The following ADGRB2 variants were observed in gnomAD, a reference collection of about 807,000 sequenced individuals.
ADGRB2 encodes brain-specific angiogenesis inhibitor 2.
In ADGRB2, 47 loss-of-function variants were observed where a neutral mutation model predicts 178.7. That is an observed-to-expected ratio of 0.26 (90% CI 0.21 to 0.34). The LOEUF (loss-of-function observed/expected upper bound fraction) is 0.34. ADGRB2 is among the 10% of genes least tolerant of loss of function. The pLI is 1.00. For synonymous variants in ADGRB2, 870 were observed against 912.4 expected (o/e 0.95, Z 0.84); for missense variants, 1,584 against 2,180.8 (o/e 0.73, Z 5.45).
In ADGRB2 at chr1:31,735,699, G is replaced by A; in HGVS notation, c.3268-34C>T. The A allele has an allele frequency of 6.3e-7, 1 of 1,576,090 alleles. No homozygotes were observed. Among genetic ancestry groups the A allele is most frequent in the Non-Finnish European group, 8.7e-7 (1 of 1,156,040 alleles). Reference sequence around the variant, plus strand: ...CCAGTAGAGTGGAGTGGGGGAGACAGGATCACCAGGTGCCCTCCTGGCAGG... The same window carrying A: ...CCAGTAGAGTGGAGTGGGGGAGACAAGATCACCAGGTGCCCTCCTGGCAGG... On this transcript the variant is annotated intron_variant, in intron 23 of 32. Transcript: ENST00000373658. This position sits in a 1 kb window ranked among gnomAD's most constrained non-coding sequence, Gnocchi z 6.0.
chr1:31,760,876 G>A (rs1261324120), intron 1 of ADGRB2: 1 of 152,324 alleles, frequency 6.6e-6, no homozygotes, highest in African/African-American at 2.4e-5. Context: ...GGACTGGGCC[G>A]AGGGGAGGGA....
rs1277170993 is a variant in ADGRB2 at position 31,727,825 on chromosome 1, C to T, written c.4572+200G>A. 3 of 873,056 alleles carry T rather than the reference C, an allele frequency of 3.4e-6. No homozygotes were observed. Among genetic ancestry groups the T allele is most frequent in the Non-Finnish European group, 5.1e-6 (3 of 587,874 alleles). The allele number at this position is 873,056 out of a possible 1,614,324, so 54.1% of individuals were successfully genotyped here. ...GGACATGTCTCCTGCTGACCACTCT[C>T]CCTCCCAATCCTGGAGGACCTCCAC... On this transcript the variant is annotated intron_variant, in intron 32 of 32. Coordinates refer to ENST00000373658, the MANE Select transcript of ADGRB2 (RefSeq NM_001364857.2). This position sits in a 1 kb window ranked among gnomAD's most constrained non-coding sequence, Gnocchi z 4.4.
chr1:31,748,985 G>A (rs568792354), intron 4 of ADGRB2, among the ~76,000 whole-genome samples: 38 of 152,272 alleles, frequency 2.5e-4, no homozygotes, highest in African/African-American at 7.9e-4. Flanking sequence ...TCCAGAGGCC[G>A]TGCTCTTTCC....
At position 31,737,670 on chromosome 1, in the gene ADGRB2, A is replaced by G. The variant is rs768900818; in HGVS notation, c.2858T>C (p.Ile953Thr). Residue 953 changes from isoleucine to threonine, a missense_variant, in exon 19 of 33, where the codon ATC becomes ACC. Physicochemically the swap from Ile to Thr is moderately conservative, Grantham distance 89 (BLOSUM62 -1). Around this residue, in one of 3 missense-constraint regions of ADGRB2, gnomAD observed 865 missense variants for 1,192.8 expected, o/e 0.73. Coordinates refer to ENST00000373658, the MANE Select transcript of ADGRB2 (RefSeq NM_001364857.2). ...GACCTACCTCCAAAAGGCGGCATAGATGGCGAGCAGGGTGAGCAGCGCCAT... is the reference window on the plus strand; with the variant it reads ...GACCTACCTCCAAAAGGCGGCATAGGTGGCGAGCAGGGTGAGCAGCGCCAT... ...SCMALLTLLA[I>T]YAAFWRFIKS... The G allele has an allele frequency of 6.2e-7, 1 of 1,613,634 alleles. No homozygotes were observed. The highest frequency in any genetic ancestry group is 8.5e-7 in the Non-Finnish European group (1 of 1,179,922).
In ADGRB2 at chr1:31,739,651, G is replaced by C; in HGVS notation, c.2168-16C>G. ...ATGCTGATCACTGCAGTGGGAGGAG[G>C]GTGGACAGAGACAGACAGAGGGGCA... On this transcript the variant is annotated splice_polypyrimidine_tract_variant and intron_variant, in intron 14 of 32. Coordinates refer to ENST00000373658, the MANE Select transcript of ADGRB2 (RefSeq NM_001364857.2). 6.4e-7 allele frequency: 1 copy of C among 1,563,662 alleles called. No homozygotes were observed. Among genetic ancestry groups the C allele is most frequent in the Non-Finnish European group, 8.7e-7 (1 of 1,152,352 alleles).
rs531811280 is a variant in ADGRB2 at position 31,735,757 on chromosome 1, G to A, written c.3267+70C>T. ...CCATGTGGGAGCTGGAGCGCAGGGA[G>A]GAGGTAGAGGGAGAAACAGGATGAC... On this transcript the variant is annotated intron_variant, in intron 23 of 32. Coordinates refer to ENST00000373658, the MANE Select transcript of ADGRB2 (RefSeq NM_001364857.2). The surrounding 1 kb of genome is among the most constrained non-coding windows in gnomAD (Gnocchi z 6.0). 7 of 1,580,950 alleles carry A rather than the reference G, an allele frequency of 4.4e-6. No homozygotes were observed. The highest frequency in any genetic ancestry group is 2.3e-5 in the East Asian group (1 of 44,292).
At chr1:31,742,738 C>T (rs1435935455) in intron 7 of ADGRB2, 100 bp downstream of exon 7, 3 of 1,320,830 alleles carry the variant, frequency 2.3e-6, no homozygotes, top group African/African-American at 1.5e-5. Context: ...GTTTAAGGGG[C>T]CCCCAGGGGC....
At position 31,756,437 on chromosome 1, in the gene ADGRB2, C is replaced by T; in HGVS notation, c.400G>A (p.Glu134Lys). The change falls in exon 4 of 33, where the codon GAG (glutamate) becomes AAG (lysine). Residue 134 changes from glutamate to lysine, a missense_variant. By Grantham distance (56) the Glu-to-Lys change is moderately conservative (BLOSUM62 1). Coordinates refer to ENST00000373658, the MANE Select transcript of ADGRB2 (RefSeq NM_001364857.2). This position sits in a 1 kb window ranked among gnomAD's most constrained non-coding sequence, Gnocchi z 8.5. ...CACAGCTCCAACCCCGCTGCCGCCT[C>T]TGCCTCCTCCTCTTCTGGCCGCCCC... ...EVGRPEEEEA[E>K]AAAGLELCSG... The T allele has an allele frequency of 6.2e-7, 1 of 1,611,956 alleles. No individual in the cohort carries two copies. The highest frequency in any genetic ancestry group is 8.5e-7 in the Non-Finnish European group (1 of 1,179,228).
intron 29 of ADGRB2, among the ~76,000 whole-genome samples, chr1:31,730,481 G>A (rs1341633915): frequency 6.6e-6 from 1 of 152,196 alleles, no homozygotes; most frequent in Non-Finnish European, 1.5e-5. Flanking sequence ...GCATGACGCA[G>A]AGGCCCAGGC....
At chr1:31,745,309 G>A (rs1352360805) in intron 4 of ADGRB2, among the ~76,000 whole-genome samples, 1 of 152,210 alleles carries the variant, frequency 6.6e-6, no homozygotes, top group East Asian at 1.9e-4. Flanking sequence ...GGAGGCACAG[G>A]TCAGAATGCC....
chr1:31,757,107 CAGT>C, intron 3 of ADGRB2, 91 bp downstream of exon 3: 1 of 1,592,298 alleles, frequency 6.3e-7, no homozygotes, highest in Non-Finnish European at 8.6e-7. Context: ...CCTGAAGAAA[CAGT>C]AGTTGTTGTT....
rs146321736 is a variant in ADGRB2 at position 31,761,650 on chromosome 1, A to T, written c.-191+2234T>A. Reference sequence around the variant, plus strand: ...CAAGGAGGAGATGAGGGAAACTGACAGTCACTGGCTCCCCCTGCACCCATA... The same window carrying T: ...CAAGGAGGAGATGAGGGAAACTGACTGTCACTGGCTCCCCCTGCACCCATA... On this transcript the variant is annotated intron_variant, in intron 1 of 32. Coordinates refer to ENST00000373658, the MANE Select transcript of ADGRB2 (RefSeq NM_001364857.2). This position sits in a 1 kb window ranked among gnomAD's most constrained non-coding sequence, Gnocchi z 4.2. Among the ~76,000 whole-genome samples, 135 of 152,310 alleles carry T rather than the reference A, an allele frequency of 8.9e-4. No homozygotes were observed. Among genetic ancestry groups the T allele is most frequent in the African/African-American group, 3.1e-3 (130 of 41,550 alleles).
At chr1:31,762,836 C>T (rs905440207) in intron 1 of ADGRB2, among the ~76,000 whole-genome samples, 5 of 152,230 alleles carry the variant, frequency 3.3e-5, no homozygotes. Flanking sequence ...CCAGAGGACG[C>T]CCAGGAGCCC....
Position 31,757,366 on chromosome 1 carries a change from T to C in ADGRB2, c.-61+16A>G. ...CAATTTGAGGTTATTCCTGGAACAA[T>C]GTCATTCTCACTCACTTGCTTTACT... On this transcript the variant is annotated intron_variant, in intron 2 of 32. Transcript: ENST00000373658. The C allele has an allele frequency of 9.5e-7, 1 of 1,056,930 alleles. No individual in the cohort carries two copies. The highest frequency in any genetic ancestry group is 1.4e-6 in the Non-Finnish European group (1 of 689,750). 65.5% of individuals were successfully genotyped at this position (1,056,930 alleles called of 1,614,324 possible).
rs1210316491 is a variant in ADGRB2 at position 31,754,710 on chromosome 1, C to T, written c.838+1289G>A. ...TCTCATTGGAGAAGCCAAGAAGGCCCCCATCGAAAGTACTGGGTTAGGCTA... is the reference window on the plus strand; with the variant it reads ...TCTCATTGGAGAAGCCAAGAAGGCCTCCATCGAAAGTACTGGGTTAGGCTA... On this transcript the variant is annotated intron_variant, in intron 4 of 32. Transcript: ENST00000373658. The surrounding 1 kb of genome is among the most constrained non-coding windows in gnomAD (Gnocchi z 5.7). 2.6e-5 allele frequency among the ~76,000 whole-genome samples: 4 copies of T among 152,190 alleles called. No homozygotes were observed. Among genetic ancestry groups the T allele is most frequent in the Non-Finnish European group, 5.9e-5 (4 of 68,044 alleles).
At chr1:31,732,923 G>T in intron 26 of ADGRB2, 49 bp downstream of exon 26, 1 of 1,531,054 alleles carries the variant, frequency 6.5e-7, no homozygotes, top group African/African-American at 1.4e-5. Flanking sequence ...GAAGCCAAGG[G>T]CCTGGCAGGT....
Position 31,753,502 on chromosome 1 carries a change from G to A in ADGRB2, c.838+2497C>T, listed in dbSNP as rs1047783472. Among the ~76,000 whole-genome samples, 6 of 152,216 alleles carry A rather than the reference G, an allele frequency of 3.9e-5. No individual in the cohort carries two copies. The highest frequency in any genetic ancestry group is 1.4e-4 in the African/African-American group (6 of 41,454). On this transcript the variant is annotated intron_variant, in intron 4 of 32. Transcript: ENST00000373658. The surrounding 1 kb of genome is among the most constrained non-coding windows in gnomAD (Gnocchi z 4.1). ...GCCTCACTGTGGATCTTCCTCGGGG[G>A]TGTCCCAGAGAAGATGAACACAGCT...
At chr1:31,738,462 C>T (rs2280387) in intron 17 of ADGRB2, 125 bp downstream of exon 17, 121 of 1,522,590 alleles carry the variant, frequency 7.9e-5, no homozygotes, top group Non-Finnish European at 9.7e-5. Context: ...TCCCAGGATA[C>T]GTTCTTGACC....
In ADGRB2 at chr1:31,727,903, T is replaced by C; in HGVS notation, c.4572+122A>G. ...CCACCCCCAGGCGGCCCCAGACTGT[T>C]GCCCATGCCGTGGGGGAGGCCCTTG... On this transcript the variant is annotated intron_variant, in intron 32 of 32. Coordinates refer to ENST00000373658, the MANE Select transcript of ADGRB2 (RefSeq NM_001364857.2). This position sits in a 1 kb window ranked among gnomAD's most constrained non-coding sequence, Gnocchi z 4.4. 7.6e-7 allele frequency: 1 copy of C among 1,310,254 alleles called. No individual in the cohort carries two copies. The highest frequency in any genetic ancestry group is 2.5e-5 in the Admixed American group (1 of 39,922). The allele number at this position is 1,310,254 out of a possible 1,614,324, so 81.2% of individuals were successfully genotyped here.
Sources: gnomAD v4.1 joint callset for allele counts (sites outside exome capture counted in the v4.1 genomes callset) on GRCh38, gnomAD v4.1.1 for gene constraint, gnomAD v4.1.1 regional missense constraint, Gnocchi (gnomAD v3.1) non-coding constraint, MANE v1.5 for transcripts, NCBI Gene and HGNC (gene_info 2026-07-23, HGNC 2026-07-21) for gene names.